AP2A2: variants seen among roughly 807,000 people sequenced by gnomAD.
AP2A2 encodes adaptor related protein complex 2 subunit alpha 2.
AP2A2 carries 32 observed loss-of-function variants against 104.2 expected under a neutral mutation model. The observed-to-expected ratio is 0.31, with a 90% CI of 0.23 to 0.41. The LOEUF is 0.41. Ranked by LOEUF, AP2A2 falls within the 10% of genes least tolerant of loss-of-function variation. AP2A2 has a pLI of 1.00. For missense variants in AP2A2, 912 were observed against 1,261.0 expected (o/e 0.72, Z 4.19); for synonymous variants, 539 against 533.3 (o/e 1.01, Z -0.15).
intron 4 of AP2A2, among the ~76,000 whole-genome samples, chr11:975,858 C>T (rs1033468823): frequency 4.0e-5 from 6 of 151,564 alleles, no homozygotes; most frequent in African/African-American, 1.5e-4. Flanking sequence ...TGAGCTGACA[C>T]CGGAGAGTAG....
intron 1 of AP2A2, among the ~76,000 whole-genome samples, chr11:941,743 A>G (rs1207486325): frequency 6.6e-6 from 1 of 150,862 alleles, no homozygotes; most frequent in Non-Finnish European, 1.5e-5. Flanking sequence ...ATGCACCACC[A>G]CGCCCGGCTA....
intron 1 of AP2A2, among the ~76,000 whole-genome samples, chr11:957,438 C>T (rs1157952716): frequency 2.0e-5 from 3 of 152,206 alleles, no homozygotes; most frequent in African/African-American, 7.2e-5. Flanking sequence ...GCGTTCCTTC[C>T]CCCGGGGTGT....
At chr11:1,005,807 C>G (rs371166294) in intron 16 of AP2A2, among the ~76,000 whole-genome samples, 2 of 152,176 alleles carry the variant, frequency 1.3e-5, no homozygotes, top group Non-Finnish European at 2.9e-5. Flanking sequence ...AGCTCTGGGC[C>G]GTGATAGCTT....
intron 15 of AP2A2, among the ~76,000 whole-genome samples, chr11:1,002,172 G>A (rs548981564): frequency 3.9e-5 from 6 of 152,360 alleles, no homozygotes; most frequent in South Asian, 4.1e-4. Context: ...AGCCCCTCCC[G>A]TGTTCTTGAC....
chr11:937,573 G>A (rs539227126), intron 1 of AP2A2, among the ~76,000 whole-genome samples: 11 of 152,182 alleles, frequency 7.2e-5, no homozygotes, highest in African/African-American at 2.4e-4. Flanking sequence ...GCGCCATTGC[G>A]CAGCCTGGGC....
chr11:948,573 A>C (rs916586197), intron 1 of AP2A2: 3 of 152,254 alleles, frequency 2.0e-5, no homozygotes, highest in Admixed American at 6.5e-5. Flanking sequence ...TAATAATTTA[A>C]AAACTTGTCA....
chr11:948,849 G>A (rs1589955917), intron 1 of AP2A2, among the ~76,000 whole-genome samples: 1 of 37,982 alleles, frequency 2.6e-5, no homozygotes, highest in Non-Finnish European at 7.1e-5. Context: ...CCTGGGCAAC[G>A]AGCGAAACTC....
intron 1 of AP2A2, among the ~76,000 whole-genome samples, chr11:949,128 T>C (rs1211047784): frequency 6.6e-6 from 1 of 151,136 alleles, no homozygotes; most frequent in Non-Finnish European, 1.5e-5. Context: ...ATGCAAAAAT[T>C]GGATGAGTGT....
chr11:1,011,346 TC>T lies in AP2A2; in HGVS notation c.*723del. On this transcript the variant is annotated 3_prime_UTR_variant, in exon 22 of 22. Coordinates refer to ENST00000448903, the MANE Select transcript of AP2A2 (RefSeq NM_012305.4). ...GCCGGCCCCGCAGGGCCCCCAGGACTCCAGGGTAAAGTGTGGGCCGGTGGCG... is the reference window on the plus strand; with the variant it reads ...GCCGGCCCCGCAGGGCCCCCAGGACTCAGGGTAAAGTGTGGGCCGGTGGCG... The T allele has an allele frequency of 1.9e-6, 1 of 518,630 alleles. No homozygotes were observed. The highest frequency in any genetic ancestry group is 3.8e-6 in the Non-Finnish European group (1 of 259,786). The allele number at this position is 518,630 out of a possible 1,614,324, so 32.1% of individuals were successfully genotyped here. A position where few individuals can be genotyped will look rare whatever the true frequency, so the allele number is the denominator to read the frequency against.
At chr11:970,032 C>T (rs577935440) in intron 2 of AP2A2, 137 bp from the exon 3 acceptor site, 4 of 855,864 alleles carry the variant, frequency 4.7e-6, no homozygotes, top group Non-Finnish European at 7.5e-6. Context: ...GTCTGCACTG[C>T]ACCTGCCTGG....
At chr11:950,430 T>A (rs1383194213) in intron 1 of AP2A2, among the ~76,000 whole-genome samples, 1 of 151,510 alleles carries the variant, frequency 6.6e-6, no homozygotes, top group Non-Finnish European at 1.5e-5. Flanking sequence ...TGCCTCAGCC[T>A]CCTGAGTAGC....
chr11:930,934 C>CGT (rs370628650), intron 1 of AP2A2, among the ~76,000 whole-genome samples: 7 of 151,930 alleles, frequency 4.6e-5, no homozygotes, highest in African/African-American at 9.7e-5. Context: ...TCGACATGCA[C>CGT]GTGTGTGTGT....
intron 1 of AP2A2, among the ~76,000 whole-genome samples, chr11:936,297 C>T (rs1221439134): frequency 2.7e-5 from 4 of 147,552 alleles, no homozygotes; most frequent in East Asian, 2.0e-4. Context: ...ACTGCAGCTT[C>T]GACCTCCTGG....
At chr11:981,099 A>C (rs1266600899) in intron 5 of AP2A2, 99 bp from the exon 6 acceptor site, 1 of 953,916 alleles carries the variant, frequency 1.0e-6, no homozygotes, top group South Asian at 1.7e-5. Flanking sequence ...GTGGGCTGCC[A>C]CTGTGCTGCT....
At chr11:955,539 G>T (rs1241726866) in intron 1 of AP2A2, among the ~76,000 whole-genome samples, 1 of 152,128 alleles carries the variant, frequency 6.6e-6, no homozygotes, top group East Asian at 1.9e-4. Context: ...GACTGACTGG[G>T]ACAGGAGGTT....
In AP2A2 at chr11:970,433, C is replaced by T. The variant is rs1022971097; in HGVS notation, c.279+122C>T. ...CACAGCTGACGTGAGCCACGTGGGT[C>T]TGCTGCAGATGGAGACGCGTGCCCA... On this transcript the variant is annotated intron_variant, in intron 3 of 21. Transcript: ENST00000448903. 4 of 1,306,492 alleles carry T rather than the reference C, an allele frequency of 3.1e-6. No individual in the cohort carries two copies. In the African/African-American group the frequency reaches 5.9e-5, roughly 19 times the overall value. 80.9% of individuals were successfully genotyped at this position (1,306,492 alleles called of 1,614,324 possible).
intron 6 of AP2A2, among the ~76,000 whole-genome samples, chr11:982,415 T>C (rs1411930760): frequency 1.3e-5 from 2 of 152,232 alleles, no homozygotes; most frequent in Non-Finnish European, 2.9e-5. Context: ...GCATGTTGAT[T>C]GGCTGTTTGG....
intron 1 of AP2A2, among the ~76,000 whole-genome samples, chr11:943,713 G>A (rs1021947335): frequency 4.6e-5 from 7 of 150,928 alleles, no homozygotes; most frequent in Non-Finnish European, 8.9e-5. Flanking sequence ...AGGTGGCAGC[G>A]GAGATGGCGA....
rs1855757823 is a variant in AP2A2 at position 994,072 on chromosome 11, G to T, written c.1783G>T (p.Ala595Ser). The T allele has an allele frequency of 6.8e-6, 11 of 1,612,652 alleles. No homozygotes were observed. Among genetic ancestry groups the T allele is most frequent in the East Asian group, 2.2e-5 (1 of 44,874 alleles). Reference protein sequence around the residue: ...LSTVASTDILATVLEEMPPFP... With the variant: ...LSTVASTDILSTVLEEMPPFP... ...AGTCCCACCCTGTGTTCTTTCCAAG[G>T]CGACCGTGCTGGAGGAGATGCCCCC... is the stretch of plus-strand genomic sequence containing the variant. Residue 595 changes from alanine (A) to serine (S), a missense_variant and splice_region_variant, in exon 14 of 22, where the codon GCG becomes TCG. Physicochemically the swap from Ala to Ser is moderately conservative, Grantham distance 99. Around this residue, in one of 7 missense-constraint regions of AP2A2, gnomAD observed 137 missense variants for 186.9 expected, o/e 0.73. Transcript: ENST00000448903.
Sources: gnomAD v4.1 joint callset for allele counts (sites outside exome capture counted in the v4.1 genomes callset) on GRCh38, gnomAD v4.1.1 for gene constraint, gnomAD v4.1.1 regional missense constraint, MANE v1.5 for transcripts, NCBI Gene and HGNC (gene_info 2026-07-23, HGNC 2026-07-21) for gene names.